BANF2: variants seen among roughly 807,000 people sequenced by gnomAD.
The protein encoded by BANF2 is barrier-to-autointegration factor-like protein.
In BANF2, 4 loss-of-function variants were observed where a neutral mutation model predicts 8.0. The ratio of observed to expected loss-of-function variants is 0.50; its 90% CI spans 0.25 to 1.14. The LOEUF is 1.14. BANF2 is among the 50% of genes most tolerant of loss of function. BANF2 has a pLI of 0.16. For synonymous variants in BANF2, 50 were observed against 40.6 expected (o/e 1.23, Z -0.88); for missense variants, 96 against 107.5 (o/e 0.89, Z 0.47).
intron 2 of BANF2, 139 bp from the exon 3 acceptor site, chr20:17,724,884 G>A (rs2037781244): frequency 2.3e-6 from 2 of 877,012 alleles, no homozygotes; most frequent in Admixed American, 5.6e-5. Flanking sequence ...GTAGACCCCG[G>A]GAAATGCTGG....
At chr20:17,711,198 C>T (rs2037565458) in intron 1 of BANF2, among the ~76,000 whole-genome samples, 1 of 152,214 alleles carries the variant, frequency 6.6e-6, no homozygotes, top group South Asian at 2.1e-4. Context: ...ATGAGCACAG[C>T]AATCCTCCTG....
Position 17,725,123 on chromosome 20 carries a change from T to A in BANF2, c.98T>A (p.Ile33Asn), listed in dbSNP as rs1286173566. 1 of 1,613,164 alleles carries A rather than the reference T, an allele frequency of 6.2e-7. No homozygotes were observed. Among genetic ancestry groups the A allele is most frequent in the Non-Finnish European group, 8.5e-7 (1 of 1,179,056 alleles). The change falls in exon 3 of 4, where the codon ATC becomes AAC. Residue 33 changes from isoleucine (I) to asparagine (N), a missense_variant. Transcript: ENST00000246090. Reference sequence around the variant, plus strand: ...GATGGCATCAGCCATGAGCTCGCGATCAATTTGGTCACCAAAGGTATCAAT... The same window carrying A: ...GATGGCATCAGCCATGAGCTCGCGAACAATTTGGTCACCAAAGGTATCAAT... ...WVDGISHELAINLVTKGINKA... is the reference protein window; with the variant it reads ...WVDGISHELANNLVTKGINKA...
chr20:17,731,833 G>A (rs1203934240), intron 3 of BANF2, among the ~76,000 whole-genome samples: 2 of 150,588 alleles, frequency 1.3e-5, no homozygotes, highest in Admixed American at 6.6e-5. Flanking sequence ...TTGGGAGGCC[G>A]AGGCGGGCAG....
intron 1 of BANF2, among the ~76,000 whole-genome samples, chr20:17,703,297 A>G (rs934466915): frequency 1.3e-5 from 2 of 152,208 alleles, no homozygotes; most frequent in Admixed American, 6.5e-5. Context: ...ATCCCTGGAT[A>G]AAAATCCCAG....
chr20:17,733,506 T>G (rs981924092), intron 3 of BANF2, among the ~76,000 whole-genome samples: 6 of 152,236 alleles, frequency 3.9e-5, no homozygotes, highest in African/African-American at 1.4e-4. Context: ...ATTATTAATA[T>G]TCTCTCTCCT....
intron 1 of BANF2, chr20:17,693,755 C>CG (rs1568801786): frequency 1.9e-6 from 3 of 1,547,078 alleles, no homozygotes; most frequent in East Asian, 2.4e-5. Context: ...GAAGAGACGG[C>CG]GGGGAAAGGA....
At chr20:17,716,903 G>A (rs1312351716) in intron 1 of BANF2, among the ~76,000 whole-genome samples, 7 of 151,366 alleles carry the variant, frequency 4.6e-5, no homozygotes, top group Admixed American at 6.6e-5. Flanking sequence ...AAAGAGAGAC[G>A]GGGTCTCACT....
At chr20:17,707,892 G>T (rs953522081) in intron 1 of BANF2, among the ~76,000 whole-genome samples, 10 of 150,634 alleles carry the variant, frequency 6.6e-5, no homozygotes, top group South Asian at 4.4e-4. Flanking sequence ...AGCCAAGATT[G>T]TTTTTTAAGA....
intron 3 of BANF2, among the ~76,000 whole-genome samples, chr20:17,732,049 G>C (rs539651913): frequency 6.6e-6 from 1 of 150,382 alleles, no homozygotes; most frequent in South Asian, 2.1e-4. Context: ...CTGGGCAACA[G>C]AGGGAGACGT....
intron 2 of BANF2, among the ~76,000 whole-genome samples, chr20:17,723,950 A>G (rs2037766613): frequency 6.6e-6 from 1 of 152,318 alleles, no homozygotes; most frequent in East Asian, 1.9e-4. Flanking sequence ...AGCCAAGATC[A>G]TGCCATTGCA....
rs896599407 is a variant in BANF2 at position 17,706,156 on chromosome 20, A to G, written c.-167+6101A>G. On this transcript the variant is annotated intron_variant, in intron 1 of 3. Transcript: ENST00000246090. ...AAATCCGGAGAGTCAGCACAGACAGACACCAAGTGTGCCAGGCTGAAGGGT... is the reference window on the plus strand; with the variant it reads ...AAATCCGGAGAGTCAGCACAGACAGGCACCAAGTGTGCCAGGCTGAAGGGT... 3.3e-5 allele frequency among the ~76,000 whole-genome samples: 5 copies of G among 152,374 alleles called. No homozygotes were observed. In the East Asian group the frequency reaches 9.6e-4, roughly 29 times the overall value.
At chr20:17,715,286 C>G (rs888156043) in intron 1 of BANF2, among the ~76,000 whole-genome samples, 1 of 152,202 alleles carries the variant, frequency 6.6e-6, no homozygotes, top group African/African-American at 2.4e-5. Flanking sequence ...GTGGTGTGCC[C>G]TGCCGTGGGC....
At chr20:17,716,635 G>T (rs1157795507) in intron 1 of BANF2, among the ~76,000 whole-genome samples, 1 of 151,524 alleles carries the variant, frequency 6.6e-6, no homozygotes, top group Non-Finnish European at 1.5e-5. Context: ...AGGCCGAGGA[G>T]GGTGGATCAC....
At chr20:17,695,142 A>C (rs1181819037), upstream of BANF2, among the ~76,000 whole-genome samples, 1 of 152,124 alleles carries the variant, frequency 6.6e-6, no homozygotes, top group Non-Finnish European at 1.5e-5. Context: ...TTAAAAAATG[A>C]ACATTTTTCA....
chr20:17,721,148 C>T (rs527712873), intron 1 of BANF2, among the ~76,000 whole-genome samples: 11 of 152,278 alleles, frequency 7.2e-5, no homozygotes, highest in African/African-American at 1.7e-4. Flanking sequence ...CAGAAACTGA[C>T]GTTCTCTGAG....
chr20:17,724,665 G>A (rs2037778243), intron 2 of BANF2, among the ~76,000 whole-genome samples: 3 of 152,204 alleles, frequency 2.0e-5, no homozygotes, highest in African/African-American at 7.2e-5. Flanking sequence ...AGAGAAGGTG[G>A]GTTAATTAGC....
intron 3 of BANF2, among the ~76,000 whole-genome samples, chr20:17,728,416 C>A (rs569689298): frequency 6.6e-6 from 1 of 152,266 alleles, no homozygotes; most frequent in Admixed American, 6.5e-5. Context: ...GGAGATGAGA[C>A]ACCAGCGCCC....
intron 1 of BANF2, among the ~76,000 whole-genome samples, chr20:17,708,547 G>A (rs1008824261): frequency 6.6e-6 from 1 of 152,188 alleles, no homozygotes; most frequent in African/African-American, 2.4e-5. Flanking sequence ...TGGGGTCTGG[G>A]ACCTCAGTCA....
rs1454392397 is a variant in BANF2, at chr20:17,711,366, T to G, written c.-167+11311T>G. ...GTTACAGATTCACTCTCACCACACT[T>G]ACCCGTATAAAGAAAATACGATTCT... On this transcript the variant is annotated intron_variant, in intron 1 of 3. Transcript: ENST00000246090. Among the ~76,000 whole-genome samples, 3 of 152,366 alleles carry G rather than the reference T, an allele frequency of 2.0e-5. No homozygotes were observed. The South Asian group carries it at 6.2e-4, about 32-fold the overall frequency.
Sources: allele counts gnomAD v4.1 joint callset (sites outside exome capture counted in the v4.1 genomes callset), GRCh38; gene constraint gnomAD v4.1.1; transcripts MANE v1.5; gene names NCBI Gene and HGNC (gene_info 2026-07-23, HGNC 2026-07-21).